AGBL4: variants seen among roughly 807,000 people sequenced by gnomAD.
The protein encoded by AGBL4 is AGBL carboxypeptidase 4.
In AGBL4, 58 loss-of-function variants were observed where a neutral mutation model predicts 66.4. That is an observed-to-expected ratio of 0.87 (90% confidence interval 0.71 to 1.09). The LOEUF is 1.09. AGBL4 is among the 50% of genes least tolerant of loss of function. AGBL4 has a pLI of 0.00. For synonymous variants in AGBL4, 234 were observed against 222.9 expected (o/e 1.05, Z -0.44); for missense variants, 579 against 631.0 (o/e 0.92, Z 0.88).
At chr1:49,624,087 T>C (rs1645421176) in intron 3 of AGBL4, among the ~76,000 whole-genome samples, 1 of 152,066 alleles carries the variant, frequency 6.6e-6, no homozygotes. Flanking sequence ...CAGTAACAAC[T>C]ATACTATAAG....
intron 3 of AGBL4, among the ~76,000 whole-genome samples, chr1:49,449,682 G>T (rs1485576768): frequency 2.0e-5 from 3 of 151,994 alleles, no homozygotes; most frequent in Non-Finnish European, 4.4e-5. Context: ...ACAGGTACAA[G>T]AGGTTGTACG....
intron 1 of AGBL4, among the ~76,000 whole-genome samples, chr1:49,941,453 A>G (rs536961722): frequency 6.6e-6 from 1 of 152,226 alleles, no homozygotes; most frequent in Non-Finnish European, 1.5e-5. Context: ...GCCAATATCC[A>G]GGATGAACAT....
At chr1:49,000,641 A>G (rs1661331536) in intron 5 of AGBL4, among the ~76,000 whole-genome samples, 1 of 152,190 alleles carries the variant, frequency 6.6e-6, no homozygotes. Context: ...AAACTATCAT[A>G]GTGAAGACCA....
In AGBL4 at chr1:49,547,949, T is replaced by C. The variant is rs141733607; in HGVS notation, c.282+149364A>G. Among the ~76,000 whole-genome samples the C allele has an allele frequency of 2.9e-3, 435 of 152,238 alleles. 2 individuals carry two copies. The highest frequency in any genetic ancestry group is 6.8e-3 in the Middle Eastern group (2 of 292). On this transcript the variant is annotated intron_variant, in intron 3 of 13. Transcript: ENST00000371839. ...CCACCATGCCCGGCTAGTTTTTGTA[T>C]TTTTAGTAGAGACGGGGTTTCACCA...
At chr1:49,947,015 G>A (rs762021621) in intron 1 of AGBL4, among the ~76,000 whole-genome samples, 3 of 151,636 alleles carry the variant, frequency 2.0e-5, no homozygotes, top group Non-Finnish European at 4.4e-5. Flanking sequence ...CGAAGAATTA[G>A]ACACCCTGAA....
intron 3 of AGBL4, among the ~76,000 whole-genome samples, chr1:49,600,195 A>G (rs1301677614): frequency 6.6e-6 from 1 of 152,142 alleles, no homozygotes; most frequent in Non-Finnish European, 1.5e-5. Flanking sequence ...TGATTTGTCT[A>G]ATACTGACAG....
chr1:49,346,454 C>T (rs1320360439), intron 3 of AGBL4, among the ~76,000 whole-genome samples: 1 of 152,120 alleles, frequency 6.6e-6, no homozygotes, highest in Non-Finnish European at 1.5e-5. Flanking sequence ...TCATGAAAAG[C>T]CTTCTTATTC....
chr1:49,632,452 T>C (rs969860215), intron 3 of AGBL4, among the ~76,000 whole-genome samples: 3 of 152,178 alleles, frequency 2.0e-5, no homozygotes, highest in Non-Finnish European at 4.4e-5. Flanking sequence ...TGTCAACAGA[T>C]TCCCTCTGGT....
chr1:48,540,933 A>C (rs1477593843), intron 11 of AGBL4, among the ~76,000 whole-genome samples: 3 of 152,180 alleles, frequency 2.0e-5, no homozygotes, highest in Non-Finnish European at 4.4e-5. Context: ...TGCAGCTCTG[A>C]ATATGTCACT....
intron 3 of AGBL4, among the ~76,000 whole-genome samples, chr1:49,456,697 A>C (rs1009201303): frequency 1.3e-5 from 2 of 151,520 alleles, no homozygotes; most frequent in African/African-American, 4.8e-5. Flanking sequence ...CACTGTATCC[A>C]ATGTGGAGTC....
chr1:48,996,954 G>C (rs1024582775), intron 5 of AGBL4, among the ~76,000 whole-genome samples: 1 of 152,008 alleles, frequency 6.6e-6, no homozygotes, highest in African/African-American at 2.4e-5. Context: ...ATGGAGTCTT[G>C]CTCTGTCACA....
intron 4 of AGBL4, among the ~76,000 whole-genome samples, chr1:49,186,428 G>A (rs1274050259): frequency 1.3e-5 from 2 of 152,146 alleles, no homozygotes; most frequent in African/African-American, 4.8e-5. Flanking sequence ...TAGTCTTATA[G>A]TCATATTTGT....
chr1:49,523,244 A>C (rs1650404838), intron 3 of AGBL4, among the ~76,000 whole-genome samples: 1 of 152,044 alleles, frequency 6.6e-6, no homozygotes, highest in South Asian at 2.1e-4. Context: ...TATCAAAAGA[A>C]CATTTTAGTG....
At chr1:49,556,676 G>A (rs1001485040) in intron 3 of AGBL4, among the ~76,000 whole-genome samples, 4 of 152,056 alleles carry the variant, frequency 2.6e-5, no homozygotes, top group African/African-American at 7.2e-5. Flanking sequence ...GGCCGCAGGC[G>A]GAGCTGCCTG....
chr1:49,182,185 G>A (rs1646941862), intron 4 of AGBL4, among the ~76,000 whole-genome samples: 2 of 152,208 alleles, frequency 1.3e-5, no homozygotes, highest in African/African-American at 2.4e-5. Context: ...ACCATCCTTA[G>A]AAGTGGATCC....
chr1:48,868,847 C>T (rs147626947), intron 5 of AGBL4, among the ~76,000 whole-genome samples: 47 of 152,236 alleles, frequency 3.1e-4, no homozygotes, highest in African/African-American at 1.1e-3. Context: ...CTACTTTGAG[C>T]AAGGTTAAAA....
chr1:49,288,695 G>C (rs1444944348), intron 3 of AGBL4, among the ~76,000 whole-genome samples: 1 of 152,144 alleles, frequency 6.6e-6, no homozygotes, highest in Non-Finnish European at 1.5e-5. Flanking sequence ...TGGAGTTCAA[G>C]GCCTACCAAG....
chr1:49,054,195 A>G (rs1194237916), intron 4 of AGBL4, among the ~76,000 whole-genome samples: 3 of 152,074 alleles, frequency 2.0e-5, no homozygotes, highest in Non-Finnish European at 4.4e-5. Context: ...TCTTTCCTCA[A>G]TTAGCAGAAG....
chr1:48,537,750 A>G (rs1163986542), intron 12 of AGBL4, among the ~76,000 whole-genome samples: 1 of 152,244 alleles, frequency 6.6e-6, no homozygotes, highest in Non-Finnish European at 1.5e-5. Context: ...CCTGAAAGAG[A>G]CAATCCCCAA....
Sources: allele counts gnomAD v4.1 joint callset (sites outside exome capture counted in the v4.1 genomes callset), GRCh38; gene constraint gnomAD v4.1.1; transcripts MANE v1.5; gene names NCBI Gene and HGNC (gene_info 2026-07-23, HGNC 2026-07-21).